Variants in LARP4 observed in about 807,000 individuals in gnomAD.
LARP4 encodes La ribonucleoprotein 4.
A neutral mutation model predicts 92.9 loss-of-function variants in LARP4; 29 were observed. The observed-to-expected ratio is 0.31, with a 90% CI of 0.23 to 0.43. LARP4 has a LOEUF of 0.43. LARP4 is among the 20% of genes least tolerant of loss of function. LARP4 has a pLI of 1.00. For missense variants in LARP4, 732 were observed against 860.0 expected (o/e 0.85, Z 1.86); for synonymous variants, 279 against 284.1 (o/e 0.98, Z 0.18).
At chr12:50,415,071 C>T (rs759344750) in intron 1 of LARP4, among the ~76,000 whole-genome samples, 33 of 152,066 alleles carry the variant, frequency 2.2e-4, no homozygotes, top group African/African-American at 4.8e-4. Flanking sequence ...AGCATGGTGG[C>T]GCACACCTGT....
chr12:50,474,185 G>A lies in LARP4; in HGVS notation c.1836+18G>A, dbSNP rs374582279. The A allele has an allele frequency of 2.6e-6, 4 of 1,537,668 alleles. No individual in the cohort carries two copies. In the African/African-American group the frequency reaches 4.2e-5, roughly 16 times the overall value. On this transcript the variant is annotated intron_variant, in intron 15 of 15. Coordinates refer to ENST00000398473, the MANE Select transcript of LARP4 (RefSeq NM_052879.5). Reference sequence around the variant, plus strand: ...CTCTACAGGTAACTTGAAGATTTTAGTTTATGTTAAAAAAAATACAATAGA... The same window carrying A: ...CTCTACAGGTAACTTGAAGATTTTAATTTATGTTAAAAAAAATACAATAGA...
intron 10 of LARP4, 27 bp from the exon 11 acceptor site, chr12:50,461,108 G>C: frequency 1.9e-6 from 3 of 1,565,314 alleles, no homozygotes; most frequent in Non-Finnish European, 2.6e-6. Flanking sequence ...TTACTGCTTT[G>C]TGTATATCAT....
At chr12:50,445,996 CTTTTTTCTTTTTTTT>C (rs992545603) in intron 8 of LARP4, among the ~76,000 whole-genome samples, 4 of 141,168 alleles carry the variant, frequency 2.8e-5, no homozygotes, top group South Asian at 2.3e-4. Flanking sequence ...TTCTTTTTTT[CTTTTTTCTTTTTTTT>C]TTTTTTTTTG....
At chr12:50,436,051 CTGTGTGTGTGTGTG>C (rs57676021) in intron 5 of LARP4, among the ~76,000 whole-genome samples, 4,341 of 137,690 alleles carry the variant, frequency 0.032, 139 homozygotes, top group Admixed American at 0.09. Context: ...TTTACTGACT[CTGTGTGTGTGTGTG>C]TGTGTGTGTG....
intron 15 of LARP4, among the ~76,000 whole-genome samples, chr12:50,474,520 T>G (rs984154021): frequency 2.0e-5 from 3 of 152,152 alleles, no homozygotes; most frequent in Admixed American, 2.0e-4. Context: ...GCTAATTTTT[T>G]GTATTTTTAG....
At chr12:50,469,723 A>G (rs919461739) in intron 13 of LARP4, among the ~76,000 whole-genome samples, 1 of 151,994 alleles carries the variant, frequency 6.6e-6, no homozygotes, top group African/African-American at 2.4e-5. Context: ...AACCTGGCCA[A>G]CGTGGTGAAA....
At chr12:50,432,947 A>G (rs1450726241) in intron 4 of LARP4, among the ~76,000 whole-genome samples, 1 of 151,476 alleles carries the variant, frequency 6.6e-6, no homozygotes, top group Non-Finnish European at 1.5e-5. Flanking sequence ...GGACTTAATC[A>G]CGAGACCACA....
intron 1 of LARP4, chr12:50,415,741 T>C (rs985724882): frequency 6.7e-6 from 1 of 148,198 alleles, no homozygotes; most frequent in African/African-American, 2.5e-5. Context: ...CCGGCTGGAG[T>C]GCGGTGTCAC....
At chr12:50,441,880 C>A (rs1328955278) in intron 8 of LARP4, among the ~76,000 whole-genome samples, 2 of 152,190 alleles carry the variant, frequency 1.3e-5, no homozygotes, top group African/African-American at 4.8e-5. Context: ...GAAACCCCAT[C>A]TCTACTAAAA....
chr12:50,445,593 G>C (rs1299779009), intron 8 of LARP4, among the ~76,000 whole-genome samples: 1 of 151,942 alleles, frequency 6.6e-6, no homozygotes, highest in East Asian at 1.9e-4. Flanking sequence ...ATGTCACTGA[G>C]ATTCTGTTCA....
At position 50,457,276 on chromosome 12, in the gene LARP4, G is replaced by A. The variant is rs80323897; in HGVS notation, c.1121+2859G>A. On this transcript the variant is annotated intron_variant, in intron 10 of 15. Transcript: ENST00000398473. ...GGCTGGAGTGCAATGGCGGGATCTCGGCTCACTGCAACGTCCGTCTCCCGG... is the reference window on the plus strand; with the variant it reads ...GGCTGGAGTGCAATGGCGGGATCTCAGCTCACTGCAACGTCCGTCTCCCGG... Among the ~76,000 whole-genome samples the A allele has an allele frequency of 6.2e-4, 91 of 147,544 alleles. No homozygotes were observed. In the East Asian group the frequency reaches 0.017, roughly 28 times the overall value.
At chr12:50,475,366 A>G (rs1185351073) in intron 15 of LARP4, among the ~76,000 whole-genome samples, 160 bp from the exon 16 acceptor site, 1 of 152,226 alleles carries the variant, frequency 6.6e-6, no homozygotes, top group Admixed American at 6.5e-5. Context: ...ATAATAAATA[A>G]AGATTGTACC....
intron 12 of LARP4, among the ~76,000 whole-genome samples, chr12:50,463,240 T>C (rs1475270734): frequency 1.3e-5 from 2 of 151,058 alleles, no homozygotes; most frequent in Admixed American, 1.3e-4. Context: ...ACAGGCCCCA[T>C]GCAAGTGCAA....
At chr12:50,416,315 A>G (rs1488851036) in intron 1 of LARP4, 2 of 152,158 alleles carry the variant, frequency 1.3e-5, no homozygotes, top group Non-Finnish European at 1.5e-5. Flanking sequence ...GGGTGATCTT[A>G]TCTTTGCATC....
intron 13 of LARP4, 125 bp from the exon 14 acceptor site, chr12:50,473,290 G>A (rs1303876532): frequency 3.0e-5 from 19 of 630,758 alleles, no homozygotes; most frequent in South Asian, 1.0e-4. Context: ...ATTTTTCACC[G>A]TGGTTTAGCT....
chr12:50,410,830 G>A (rs915547371), intron 1 of LARP4, among the ~76,000 whole-genome samples: 8 of 152,110 alleles, frequency 5.3e-5, no homozygotes, highest in African/African-American at 1.9e-4. Flanking sequence ...GCCACTAATC[G>A]ATGGTGGCGT....
chr12:50,411,213 A>G (rs1463512035), intron 1 of LARP4, among the ~76,000 whole-genome samples: 2 of 146,650 alleles, frequency 1.4e-5, no homozygotes, highest in Non-Finnish European at 3.0e-5. Flanking sequence ...GAAGATAGTG[A>G]CTTGTTCTGT....
intron 8 of LARP4, among the ~76,000 whole-genome samples, chr12:50,447,671 G>C (rs1410267742): frequency 6.6e-6 from 1 of 152,004 alleles, no homozygotes; most frequent in Admixed American, 6.6e-5. Context: ...TTGAACTCCT[G>C]GGCTCAAGGG....
At chr12:50,462,404 C>T (rs1955529890) in intron 11 of LARP4, among the ~76,000 whole-genome samples, 178 bp from the exon 12 acceptor site, 2 of 150,158 alleles carry the variant, frequency 1.3e-5, no homozygotes, top group Admixed American at 1.3e-4. Flanking sequence ...TGCTTGAACC[C>T]GGGAGGCAGT....
Sources: gnomAD v4.1 joint callset for allele counts (sites outside exome capture counted in the v4.1 genomes callset) on GRCh38, gnomAD v4.1.1 for gene constraint, MANE v1.5 for transcripts, NCBI Gene and HGNC (gene_info 2026-07-23, HGNC 2026-07-21) for gene names.